The following AFF3 variants were observed in gnomAD, a reference collection of about 807,000 sequenced individuals.
AFF3 encodes ALF transcription elongation factor 3, also known as AF4/FMR2 family member 3.
A neutral mutation model predicts 129.7 loss-of-function variants in AFF3; 32 were observed. That is an observed-to-expected ratio of 0.25 (90% CI 0.19 to 0.33). The LOEUF (loss-of-function observed/expected upper bound fraction) is 0.33. Ranked by LOEUF, AFF3 falls within the 10% of genes least tolerant of loss-of-function variation. AFF3 has a pLI of 1.00. For synonymous variants in AFF3, 644 were observed against 635.4 expected (o/e 1.01, Z -0.20); for missense variants, 1,373 against 1,592.0 (o/e 0.86, Z 2.34).
At chr2:100,070,592 G>T (rs1299315767) in intron 4 of AFF3, among the ~76,000 whole-genome samples, 1 of 152,128 alleles carries the variant, frequency 6.6e-6, no homozygotes, top group Admixed American at 6.5e-5. Context: ...AGTTATATTT[G>T]CACACCGTTT....
intron 13 of AFF3, among the ~76,000 whole-genome samples, chr2:99,642,715 G>A (rs1006861686): frequency 5.9e-5 from 9 of 152,168 alleles, no homozygotes; most frequent in African/African-American, 2.2e-4. Flanking sequence ...TGCTCTATTG[G>A]TGCTTGATGG....
Position 99,649,619 on chromosome 2 carries a change from A to G in AFF3, c.1184+7T>C. 1 of 1,613,752 alleles carries G rather than the reference A, an allele frequency of 6.2e-7. No homozygotes were observed. The highest frequency in any genetic ancestry group is 8.5e-7 in the Non-Finnish European group (1 of 1,179,788). ...AATTTATAGTTCATAAAAATGACAA[A>G]ATGTACCTGTCAGAGAGAGCGCGGA... On this transcript the variant is annotated splice_region_variant and intron_variant, in intron 13 of 24. Coordinates refer to ENST00000672756, the MANE Select transcript of AFF3 (RefSeq NM_001386135.1).
At chr2:99,819,353 C>T (rs550019884) in intron 8 of AFF3, among the ~76,000 whole-genome samples, 71 of 152,268 alleles carry the variant, frequency 4.7e-4, no homozygotes, top group African/African-American at 1.7e-3. Flanking sequence ...TGTTTCTTAG[C>T]GTTAAATACA....
At chr2:99,611,614 G>T (rs1680932995) in intron 13 of AFF3, among the ~76,000 whole-genome samples, 1 of 152,010 alleles carries the variant, frequency 6.6e-6, no homozygotes. Context: ...AGTTTCCCAC[G>T]GTGGCTCACA....
At chr2:99,975,459 T>C (rs768219283) in intron 7 of AFF3, among the ~76,000 whole-genome samples, 4 of 152,210 alleles carry the variant, frequency 2.6e-5, no homozygotes, top group Admixed American at 6.5e-5. Context: ...ACATTCTATG[T>C]ATGGTCATGG....
At chr2:99,792,611 C>T (rs536305951) in intron 8 of AFF3, among the ~76,000 whole-genome samples, 2 of 152,290 alleles carry the variant, frequency 1.3e-5, no homozygotes, top group Non-Finnish European at 2.9e-5. Context: ...CTACTATAGG[C>T]TTTTTGTGGA....
chr2:99,903,966 C>T (rs1694532474), intron 7 of AFF3, among the ~76,000 whole-genome samples: 1 of 152,162 alleles, frequency 6.6e-6, no homozygotes, highest in South Asian at 2.1e-4. Context: ...CTCATTCCTG[C>T]TTAAATTTGC....
intron 4 of AFF3, among the ~76,000 whole-genome samples, chr2:100,082,235 G>A (rs556653203): frequency 2.6e-5 from 4 of 151,984 alleles, no homozygotes; most frequent in Admixed American, 6.6e-5. Flanking sequence ...GTTGAAATAC[G>A]AACAAACGAA....
intron 16 of AFF3, among the ~76,000 whole-genome samples, chr2:99,584,875 A>G (rs1250233474): frequency 6.6e-6 from 1 of 152,250 alleles, no homozygotes; most frequent in East Asian, 1.9e-4. Context: ...GTCACTTCGA[A>G]AAGCAATTTC....
At chr2:100,011,109 CT>C (rs1181998878) in intron 4 of AFF3, among the ~76,000 whole-genome samples, 1 of 152,056 alleles carries the variant, frequency 6.6e-6, no homozygotes, top group East Asian at 1.9e-4. Flanking sequence ...CCCATTTCTA[CT>C]AAAAATACAA....
At chr2:100,120,138 C>A (rs1691897418) in intron 2 of AFF3, among the ~76,000 whole-genome samples, 1 of 152,182 alleles carries the variant, frequency 6.6e-6, no homozygotes, top group African/African-American at 2.4e-5. Context: ...GAAGTAGCTT[C>A]TTAGAGAGGC....
Position 100,061,863 on chromosome 2 carries a change from G to T in AFF3, c.53+42539C>A, listed in dbSNP as rs545362687. On this transcript the variant is annotated intron_variant, in intron 4 of 24. Coordinates refer to ENST00000672756, the MANE Select transcript of AFF3 (RefSeq NM_001386135.1). ...GAGATGGGTAGCACAGTGGAGGGGG[G>T]GGGGGTGCCGACTCTCAAGTCCACT... is the stretch of plus-strand genomic sequence containing the variant. Among the ~76,000 whole-genome samples, 19 of 150,524 alleles carry T rather than the reference G, an allele frequency of 1.3e-4. 1 individual carries two copies. The Middle Eastern group carries it at 0.014, about 108-fold the overall frequency.
intron 2 of AFF3, among the ~76,000 whole-genome samples, chr2:100,111,668 A>G (rs1691514980): frequency 6.6e-6 from 1 of 152,238 alleles, no homozygotes; most frequent in South Asian, 2.1e-4. Context: ...CATTGTTTCT[A>G]CCAATAAACT....
intron 13 of AFF3, among the ~76,000 whole-genome samples, chr2:99,606,955 C>T (rs1680426836): frequency 6.7e-6 from 1 of 150,142 alleles, no homozygotes; most frequent in Non-Finnish European, 1.5e-5. Flanking sequence ...CTTCAGCAAC[C>T]TTTAAGACAG....
chr2:99,868,947 T>G (rs1423780063), intron 7 of AFF3, among the ~76,000 whole-genome samples: 1 of 152,126 alleles, frequency 6.6e-6, no homozygotes, highest in East Asian at 1.9e-4. Flanking sequence ...TGTGCACCAC[T>G]GTGCATGGCT....
chr2:99,792,173 T>C (rs747643884), intron 8 of AFF3, among the ~76,000 whole-genome samples: 33 of 152,134 alleles, frequency 2.2e-4, no homozygotes, highest in Non-Finnish European at 3.1e-4. Flanking sequence ...CATAATACCA[T>C]GAATAATGAG....
intron 10 of AFF3, among the ~76,000 whole-genome samples, chr2:99,735,384 TG>T (rs1408374498): frequency 2.0e-5 from 3 of 152,074 alleles, no homozygotes; most frequent in Admixed American, 6.5e-5. Flanking sequence ...TTTCTGCTTT[TG>T]TTTTTTTTTT....
intron 13 of AFF3, 32 bp downstream of exon 13, chr2:99,649,594 A>G (rs1345573905): frequency 4.4e-6 from 7 of 1,608,832 alleles, no homozygotes; most frequent in Admixed American, 3.4e-5. Context: ...TTCATAAAGC[A>G]ATTTATAGTT....
intron 8 of AFF3, among the ~76,000 whole-genome samples, chr2:99,795,355 T>C (rs913056774): frequency 6.6e-6 from 1 of 151,962 alleles, no homozygotes; most frequent in South Asian, 2.1e-4. Context: ...ATGGACACAG[T>C]ATGTGGAATG....
Sources: gnomAD v4.1 joint callset for allele counts (sites outside exome capture counted in the v4.1 genomes callset) on GRCh38, gnomAD v4.1.1 for gene constraint, MANE v1.5 for transcripts, NCBI Gene and HGNC (gene_info 2026-07-23, HGNC 2026-07-21) for gene names.